CBLB: variants seen among roughly 807,000 people sequenced by gnomAD.
CBLB encodes E3 ubiquitin-protein ligase CBL-B.
Under a neutral mutation model 104.9 loss-of-function variants are expected in CBLB, and 31 were observed. That is an observed-to-expected ratio of 0.30 (90% CI 0.22 to 0.40). The LOEUF (loss-of-function observed/expected upper bound fraction) is 0.40, where lower values mean the gene tolerates loss of function less well. CBLB is among the 10% of genes least tolerant of loss of function. The probability of loss-of-function intolerance (pLI) is 1.00; values close to 1 mark genes in which losing one functional copy is unlikely to be tolerated. For missense variants in CBLB, 1,062 were observed against 1,214.6 expected, an observed-to-expected ratio of 0.87 and a Z score of 1.87; for synonymous variants, 440 against 422.6, an observed-to-expected ratio of 1.04 and a Z score of -0.51.
At chr3:105,736,648 T>C (rs1220947306) in intron 8 of CBLB, among the ~76,000 whole-genome samples, 3 of 152,166 alleles carry the variant, frequency 2.0e-5, no homozygotes, top group African/African-American at 7.2e-5. Context: ...GTGATATATA[T>C]GGGATCTATT....
chr3:105,690,454 T>C (rs2067534032), intron 13 of CBLB, among the ~76,000 whole-genome samples: 1 of 152,048 alleles, frequency 6.6e-6, no homozygotes, highest in East Asian at 1.9e-4. Context: ...CTCAAAAGGA[T>C]TTTGGAGATA....
intron 9 of CBLB, among the ~76,000 whole-genome samples, chr3:105,726,951 A>G (rs535611424): frequency 1.3e-5 from 2 of 152,292 alleles, no homozygotes; most frequent in African/African-American, 4.8e-5. Context: ...CCAGTCTATC[A>G]TAGATGGACA....
chr3:105,837,395 C>T (rs966835852), intron 3 of CBLB, among the ~76,000 whole-genome samples: 3 of 152,140 alleles, frequency 2.0e-5, no homozygotes, highest in Non-Finnish European at 2.9e-5. Context: ...AAGTACAACA[C>T]ATCACAGAAA....
rs748276732 is a variant in CBLB, at chr3:105,734,039, C to T, written c.1173G>A (p.Leu391=). The change falls in exon 9 of 19, where the codon TTG becomes TTA. Residue 391 remains leucine (L), a synonymous_variant. Transcript: ENST00000394030. ...KDVKIEPCGH[L]MCTSCLTAWQ... ...ATGCCGTAAGGCAAGAGGTGCACAT[C>T]AAATGCCCACAAGGCTCAATCTTGA... 4 of 1,613,938 alleles carry T rather than the reference C, an allele frequency of 2.5e-6. No individual in the cohort carries two copies. Among genetic ancestry groups the T allele is most frequent in the Non-Finnish European group, 3.4e-6 (4 of 1,179,902 alleles).
intron 3 of CBLB, among the ~76,000 whole-genome samples, chr3:105,833,368 C>T (rs77423186): frequency 7.6e-4 from 115 of 152,244 alleles, no homozygotes; most frequent in African/African-American, 2.5e-3. Flanking sequence ...ATAGTGAAGG[C>T]AGAACAAATA....
At chr3:105,787,475 T>C (rs1466328645) in intron 3 of CBLB, among the ~76,000 whole-genome samples, 1 of 152,200 alleles carries the variant, frequency 6.6e-6, no homozygotes, top group African/African-American at 2.4e-5. Flanking sequence ...ATACGTTCTA[T>C]GGCCCCATAA....
At chr3:105,863,531 G>C (rs370369779) in intron 2 of CBLB, among the ~76,000 whole-genome samples, 228 of 152,256 alleles carry the variant, frequency 1.5e-3, no homozygotes, top group Non-Finnish European at 2.6e-3. Flanking sequence ...AGTCCACATG[G>C]AATATCTTTC....
At chr3:105,790,140 A>G (rs545388729) in intron 3 of CBLB, among the ~76,000 whole-genome samples, 2 of 152,376 alleles carry the variant, frequency 1.3e-5, no homozygotes, top group African/African-American at 4.8e-5. Context: ...CGTAATAAAA[A>G]TAAGAAAATA....
At position 105,782,591 on chromosome 3, in the gene CBLB, T is replaced by C. The variant is rs1354206045; in HGVS notation, c.420-6049A>G. Among the ~76,000 whole-genome samples the C allele has an allele frequency of 4.0e-5, 6 of 150,284 alleles. No homozygotes were observed. The South Asian group carries it at 6.3e-4, about 16-fold the overall frequency. On this transcript the variant is annotated intron_variant, in intron 3 of 18. Transcript: ENST00000394030. ...TTCTTTTCTTTTCTTTTTTTTTTTT[T>C]TTTTTTTTTTTTGATACAGAGTCTC... is the stretch of plus-strand genomic sequence containing the variant.
rs758234318 is a variant in CBLB, at chr3:105,681,753, T to C, written c.2267A>G (p.Asn756Ser). 2 of 1,610,324 alleles carry C rather than the reference T, an allele frequency of 1.2e-6. No homozygotes were observed. Among genetic ancestry groups the C allele is most frequent in the Non-Finnish European group, 1.7e-6 (2 of 1,176,820 alleles). ...TAAATATATGCTTAAGTCAGGGATG[T>C]TTGATTTCTTCTCTGAAGATGGACC... is the stretch of plus-strand genomic sequence containing the variant. Reference protein sequence around the residue: ...THGPSSEKKSNIPDLSIYLKG... With the variant: ...THGPSSEKKSSIPDLSIYLKG... Residue 756 changes from asparagine to serine, a missense_variant, in exon 15 of 19, where the codon AAC becomes AGC. By Grantham distance (46) the Asn-to-Ser change is conservative. This residue lies in a region of CBLB where 605 missense variants were observed against 582.6 expected (regional missense o/e 1.04). Coordinates refer to ENST00000394030, the MANE Select transcript of CBLB (RefSeq NM_170662.5).
chr3:105,794,040 T>C (rs2081983796), intron 3 of CBLB, among the ~76,000 whole-genome samples: 1 of 152,148 alleles, frequency 6.6e-6, no homozygotes, highest in South Asian at 2.1e-4. Context: ...ATTATTAAAA[T>C]ATACCCATGC....
intron 3 of CBLB, among the ~76,000 whole-genome samples, chr3:105,850,064 T>C (rs970463947): frequency 6.6e-6 from 1 of 152,088 alleles, no homozygotes; most frequent in Non-Finnish European, 1.5e-5. Context: ...CATTAATTAA[T>C]GCTAAAAGGC....
At chr3:105,867,345 A>C (rs1241032713) in intron 2 of CBLB, 65 bp downstream of exon 2, 4 of 1,399,274 alleles carry the variant, frequency 2.9e-6, no homozygotes, top group Admixed American at 1.7e-5. Context: ...CAGTATAAAT[A>C]AATCTGGAGA....
At chr3:105,820,448 G>C (rs1331057245) in intron 3 of CBLB, among the ~76,000 whole-genome samples, 1 of 152,116 alleles carries the variant, frequency 6.6e-6, no homozygotes, top group Non-Finnish European at 1.5e-5. Flanking sequence ...TCGGGGGCAG[G>C]GGGTAACATT....
Position 105,776,381 on chromosome 3 carries a change from A to G in CBLB, c.566+15T>C. On this transcript the variant is annotated intron_variant, in intron 4 of 18. Coordinates refer to ENST00000394030, the MANE Select transcript of CBLB (RefSeq NM_170662.5). ...GAAAGATAGATCCACAGCTATAAAA[A>G]TGATTTTTACTTACTTGTCTCCAAA... is the stretch of plus-strand genomic sequence containing the variant. The G allele has an allele frequency of 6.2e-7, 1 of 1,611,824 alleles. No individual in the cohort carries two copies. The highest frequency in any genetic ancestry group is 8.5e-7 in the Non-Finnish European group (1 of 1,178,506).
chr3:105,780,660 G>GTTTGTTTT (rs2080107206), intron 3 of CBLB, among the ~76,000 whole-genome samples: 2 of 94,034 alleles, frequency 2.1e-5, no homozygotes, highest in South Asian at 8.1e-4. Context: ...TTTGTTTTTT[G>GTTTGTTTT]TTTTTTTTTT....
In CBLB at chr3:105,768,467, T is replaced by C. The variant is rs562006883; in HGVS notation, c.566+7929A>G. The stretch of plus-strand genomic sequence containing the variant: ...TAAATGGCAGAAAAGTTGCATCCTA[T>C]ACTCATACATTCAACTAATAACTAC... On this transcript the variant is annotated intron_variant, in intron 4 of 18. Coordinates refer to ENST00000394030, the MANE Select transcript of CBLB (RefSeq NM_170662.5). Among the ~76,000 whole-genome samples the C allele has an allele frequency of 6.6e-5, 10 of 152,346 alleles. No homozygotes were observed. The South Asian group carries it at 1.9e-3, about 28-fold the overall frequency.
In CBLB at chr3:105,702,475, A is replaced by AT. The variant is rs2069315944; in HGVS notation, c.1594-17_1594-16insA. The AT allele has an allele frequency of 1.3e-5, 15 of 1,170,414 alleles. No individual in the cohort carries two copies. The highest frequency in any genetic ancestry group is 2.2e-5 in the African/African-American group (1 of 45,724). 72.5% of individuals were successfully genotyped at this position (1,170,414 alleles called of 1,614,324 possible). A position where few individuals can be genotyped will look rare whatever the true frequency, so the allele number is the denominator to read the frequency against. ...AAGGAGAAGACTAAAGAAACAGAAG[A>AT]GAAAAAAAAAAAAAAAAAAAAAAAC... On this transcript the variant is annotated splice_polypyrimidine_tract_variant and intron_variant, in intron 11 of 18. Coordinates refer to ENST00000394030, the MANE Select transcript of CBLB (RefSeq NM_170662.5).
At chr3:105,677,350 TAA>T (rs59169680) in intron 17 of CBLB, among the ~76,000 whole-genome samples, 4,586 of 108,706 alleles carry the variant, frequency 0.042, 117 homozygotes, top group East Asian at 0.13. Context: ...TCAAACCAAG[TAA>T]AAAAAAAAAA....
Sources: allele counts gnomAD v4.1 joint callset (sites outside exome capture counted in the v4.1 genomes callset), GRCh38; gene constraint gnomAD v4.1.1; regional missense constraint gnomAD v4.1.1; transcripts MANE v1.5; gene names NCBI Gene and HGNC (gene_info 2026-07-23, HGNC 2026-07-21).